Variants in ATRNL1 observed in about 807,000 individuals in gnomAD.
ATRNL1 encodes attractin-like protein 1.
Under a neutral mutation model 182.7 loss-of-function variants are expected in ATRNL1, and 95 were observed. The observed-to-expected ratio is 0.52, with a 90% CI of 0.44 to 0.62. ATRNL1 has a LOEUF of 0.62. ATRNL1 is among the 20% of genes least tolerant of loss of function. ATRNL1 has a pLI of 0.00. For synonymous variants in ATRNL1, 576 were observed against 568.3 expected, an observed-to-expected ratio of 1.01 and a Z score of -0.19; for missense variants, 1,471 against 1,679.5, an observed-to-expected ratio of 0.88 and a Z score of 2.17.
chr10:115,291,830 T>A (rs888493162), intron 15 of ATRNL1, among the ~76,000 whole-genome samples: 5 of 147,312 alleles, frequency 3.4e-5, no homozygotes, highest in Admixed American at 6.8e-5. Flanking sequence ...TTTTTTTTTT[T>A]AATGTCCTTG....
At chr10:115,667,289 T>C (rs1315483757) in intron 26 of ATRNL1, among the ~76,000 whole-genome samples, 1 of 152,214 alleles carries the variant, frequency 6.6e-6, no homozygotes, top group Non-Finnish European at 1.5e-5. Context: ...AGTTATCTAT[T>C]GTGGTGTAAC....
chr10:115,425,032 A>C (rs1468454646), intron 20 of ATRNL1, among the ~76,000 whole-genome samples: 1 of 152,136 alleles, frequency 6.6e-6, no homozygotes, highest in African/African-American at 2.4e-5. Context: ...TTAAAGGATT[A>C]TCATATTTTG....
chr10:115,380,701 G>T (rs1008420623), intron 19 of ATRNL1, among the ~76,000 whole-genome samples: 2 of 151,966 alleles, frequency 1.3e-5, no homozygotes, highest in Non-Finnish European at 2.9e-5. Context: ...TTATGTACCA[G>T]GACTGTACTA....
chr10:115,302,031 G>T lies in ATRNL1; in HGVS notation c.2806G>T (p.Ala936Ser), dbSNP rs782796081. The change falls in exon 17 of 29, where the codon GCC becomes TCC. Residue 936 changes from alanine to serine, a missense_variant. Physicochemically the swap from Ala to Ser is moderately conservative, Grantham distance 99 (BLOSUM62 1). Around this residue, in one of 3 missense-constraint regions of ATRNL1, gnomAD observed 1,031 missense variants for 1,156.0 expected, o/e 0.89. Coordinates refer to ENST00000355044, the MANE Select transcript of ATRNL1 (RefSeq NM_207303.4). ...TGGACAATGTCTAGAGTGGCAAACTGCCACCTGCTCCCGTAAGTATTTATC... is the reference window on the plus strand; with the variant it reads ...TGGACAATGTCTAGAGTGGCAAACTTCCACCTGCTCCCGTAAGTATTTATC... ...PYGQCLEWQT[A>S]TCSPQNCSGL... 6.2e-7 allele frequency: 1 copy of T among 1,611,762 alleles called. No individual in the cohort carries two copies. The highest frequency in any genetic ancestry group is 2.2e-5 in the East Asian group (1 of 44,824).
At chr10:115,513,218 A>G (rs1850478229) in intron 24 of ATRNL1, among the ~76,000 whole-genome samples, 1 of 151,846 alleles carries the variant, frequency 6.6e-6, no homozygotes, top group Admixed American at 6.6e-5. Flanking sequence ...ACAGAGAAAA[A>G]CTGAGAATAG....
chr10:115,832,905 A>G (rs1041907306), intron 27 of ATRNL1, among the ~76,000 whole-genome samples: 4 of 152,188 alleles, frequency 2.6e-5, no homozygotes, highest in African/African-American at 7.2e-5. Context: ...AGAAAGATCT[A>G]TGGTGAAGAG....
chr10:115,623,668 G>T (rs1239137689), intron 26 of ATRNL1, among the ~76,000 whole-genome samples: 2 of 151,864 alleles, frequency 1.3e-5, no homozygotes, highest in East Asian at 1.9e-4. Flanking sequence ...AATAGTGGGG[G>T]TAAACAAATA....
At chr10:115,601,734 AACTT>A (rs2133943953) in intron 26 of ATRNL1, among the ~76,000 whole-genome samples, 1 of 152,154 alleles carries the variant, frequency 6.6e-6, no homozygotes, top group East Asian at 1.9e-4. Flanking sequence ...CTTTCTTTCT[AACTT>A]GTCTGCTTAT....
intron 24 of ATRNL1, among the ~76,000 whole-genome samples, chr10:115,469,802 A>G (rs1230012356): frequency 6.6e-6 from 1 of 150,432 alleles, no homozygotes; most frequent in Non-Finnish European, 1.5e-5. Context: ...AATCTGTACT[A>G]CATGTGTGTT....
chr10:115,773,640 GC>G (rs1949048271), intron 27 of ATRNL1, among the ~76,000 whole-genome samples: 1 of 152,112 alleles, frequency 6.6e-6, no homozygotes, highest in African/African-American at 2.4e-5. Context: ...CAAGCTTAGA[GC>G]CCTTCTAAGA....
At chr10:115,643,369 A>G (rs1555031165) in intron 26 of ATRNL1, among the ~76,000 whole-genome samples, 1 of 152,202 alleles carries the variant, frequency 6.6e-6, no homozygotes, top group African/African-American at 2.4e-5. Flanking sequence ...GCTGAAAATC[A>G]TAAAATACCT....
rs185647030 is a variant in ATRNL1, at chr10:115,113,747, A to G, written c.294-6438A>G. On this transcript the variant is annotated intron_variant, in intron 1 of 28. Coordinates refer to ENST00000355044, the MANE Select transcript of ATRNL1 (RefSeq NM_207303.4). ...TTTTGTAAATTGCCCAGTCTCAGGT[A>G]TGTCTTTATCAGCAGCATGAAAATG... is the stretch of plus-strand genomic sequence containing the variant. Among the ~76,000 whole-genome samples the G allele has an allele frequency of 3.3e-5, 5 of 152,288 alleles. No homozygotes were observed. The East Asian group carries it at 7.7e-4, about 24-fold the overall frequency.
At chr10:115,687,392 T>G (rs1946251955) in intron 26 of ATRNL1, among the ~76,000 whole-genome samples, 5 of 152,104 alleles carry the variant, frequency 3.3e-5, no homozygotes, top group Admixed American at 3.3e-4. Context: ...CTGGCTTATT[T>G]TGCTTAGCAT....
At chr10:115,942,446 T>G (rs1243058946) in intron 28 of ATRNL1, among the ~76,000 whole-genome samples, 1 of 152,218 alleles carries the variant, frequency 6.6e-6, no homozygotes, top group Non-Finnish European at 1.5e-5. Context: ...CATTTGCCAC[T>G]TTTTACAGAC....
intron 26 of ATRNL1, among the ~76,000 whole-genome samples, chr10:115,713,675 T>TTCTATCTATCTATCTATCTATCTA (rs56673702): frequency 8.8e-6 from 1 of 114,212 alleles, no homozygotes. Context: ...AGGTTCTGTT[T>TTCTATCTATCTATCTATCTATCTA]TCTATCTATC....
At chr10:115,711,073 A>G (rs550518265) in intron 26 of ATRNL1, among the ~76,000 whole-genome samples, 2 of 152,120 alleles carry the variant, frequency 1.3e-5, no homozygotes, top group Non-Finnish European at 2.9e-5. Flanking sequence ...AATAATTAGC[A>G]CTCTTTTCTT....
intron 19 of ATRNL1, among the ~76,000 whole-genome samples, chr10:115,353,593 T>C (rs1226228630): frequency 3.9e-5 from 6 of 152,220 alleles, no homozygotes; most frequent in African/African-American, 1.4e-4. Context: ...AGGACTTAAC[T>C]ACTTCCAGTT....
chr10:115,193,498 T>C (rs1487348688), intron 8 of ATRNL1, among the ~76,000 whole-genome samples: 1 of 151,942 alleles, frequency 6.6e-6, no homozygotes, highest in Non-Finnish European at 1.5e-5. Flanking sequence ...TTACAGTGTA[T>C]TGGCACTTTG....
chr10:115,413,233 A>G (rs574606931), intron 20 of ATRNL1, among the ~76,000 whole-genome samples: 5 of 152,270 alleles, frequency 3.3e-5, no homozygotes, highest in African/African-American at 1.2e-4. Flanking sequence ...TGACTCTGCT[A>G]TTAGAATCAA....
Sources: gnomAD v4.1 joint callset for allele counts (sites outside exome capture counted in the v4.1 genomes callset) on GRCh38, gnomAD v4.1.1 for gene constraint, gnomAD v4.1.1 regional missense constraint, MANE v1.5 for transcripts, NCBI Gene and HGNC (gene_info 2026-07-23, HGNC 2026-07-21) for gene names.